The following PCCA variants were observed in gnomAD, a reference collection of about 807,000 sequenced individuals.
PCCA encodes propionyl-CoA carboxylase alpha chain, mitochondrial.
In PCCA, 74 loss-of-function variants were observed where a neutral mutation model predicts 101.3. That is an observed-to-expected ratio of 0.73 (90% confidence interval 0.61 to 0.89). The LOEUF (loss-of-function observed/expected upper bound fraction) is 0.89, where lower values mean the gene tolerates loss of function less well. Among genes scored for constraint, PCCA ranks in the 40% least tolerant of loss-of-function variants. The pLI is 0.00. For missense variants in PCCA, 891 were observed against 907.0 expected, an observed-to-expected ratio of 0.98 and a Z score of 0.23; for synonymous variants, 294 against 313.6, an observed-to-expected ratio of 0.94 and a Z score of 0.66.
At chr13:100,400,989 A>C (rs1251653384) in intron 19 of PCCA, among the ~76,000 whole-genome samples, 1 of 152,104 alleles carries the variant, frequency 6.6e-6, no homozygotes, top group Admixed American at 6.6e-5. Flanking sequence ...CTTTCCAAAA[A>C]GAAAGTGCTT....
At chr13:100,458,319 AC>A in intron 21 of PCCA, among the ~76,000 whole-genome samples, 1 of 120,314 alleles carries the variant, frequency 8.3e-6, no homozygotes, top group African/African-American at 3.0e-5. Context: ...ACACACACAC[AC>A]ACACACACAC....
rs115403134 is a variant in PCCA at position 100,462,268 on chromosome 13, T to C, written c.1899+12963T>C. Among the ~76,000 whole-genome samples the C allele has an allele frequency of 5.3e-3, 806 of 152,350 alleles. 5 individuals carry two copies. Among genetic ancestry groups the C allele is most frequent in the African/African-American group, 0.018 (753 of 41,576 alleles). On this transcript the variant is annotated intron_variant, in intron 21 of 23. Transcript: ENST00000376285. ...GAACTTTTGGAATATAACTACGTTT[T>C]TATTCTTTTGAAATTGGCATGCTCT...
chr13:100,442,359 A>G (rs1043892121), intron 20 of PCCA, among the ~76,000 whole-genome samples: 3 of 152,232 alleles, frequency 2.0e-5, no homozygotes, highest in Non-Finnish European at 2.9e-5. Flanking sequence ...GACAGTCATT[A>G]TATATGTAAT....
At chr13:100,476,897 A>G (rs2083456751) in intron 21 of PCCA, among the ~76,000 whole-genome samples, 2 of 152,162 alleles carry the variant, frequency 1.3e-5, no homozygotes, top group African/African-American at 4.8e-5. Flanking sequence ...GAATGAATGA[A>G]AACTTTAGAC....
rs575206350 is a variant in PCCA at position 100,220,253 on chromosome 13, CT to C, written c.600+10798del. Among the ~76,000 whole-genome samples the C allele has an allele frequency of 1.7e-3, 253 of 151,696 alleles. 1 individual carries two copies. The highest frequency in any genetic ancestry group is 5.9e-3 in the African/African-American group (243 of 41,374). ...AGACCGTGTCCAATATTTACAGTTT[CT>C]TTTTTTTGTTTTTGTTTTTTTTGAG... On this transcript the variant is annotated intron_variant, in intron 7 of 23. Coordinates refer to ENST00000376285, the MANE Select transcript of PCCA (RefSeq NM_000282.4).
intron 1 of PCCA, among the ~76,000 whole-genome samples, chr13:100,091,948 G>T (rs911457256): frequency 2.0e-5 from 3 of 151,794 alleles, no homozygotes. Context: ...TTGAGATGGG[G>T]TCTCGCTCTG....
At chr13:100,525,261 A>C (rs1355292481) in intron 22 of PCCA, among the ~76,000 whole-genome samples, 3 of 152,182 alleles carry the variant, frequency 2.0e-5, no homozygotes, top group Non-Finnish European at 4.4e-5. Flanking sequence ...ACAATCAGAC[A>C]GAAGGACTAT....
chr13:100,387,721 C>G (rs572205544), intron 19 of PCCA, among the ~76,000 whole-genome samples: 1 of 152,146 alleles, frequency 6.6e-6, no homozygotes, highest in Admixed American at 6.6e-5. Flanking sequence ...CAGTGGGTAT[C>G]GCACTCTACT....
chr13:100,227,302 CTTGG>C (rs1172888746), intron 7 of PCCA, among the ~76,000 whole-genome samples: 1 of 152,164 alleles, frequency 6.6e-6, no homozygotes, highest in Non-Finnish European at 1.5e-5. Flanking sequence ...AACTGCAAGG[CTTGG>C]TTACCCCACA....
intron 12 of PCCA, among the ~76,000 whole-genome samples, chr13:100,283,046 T>G (rs1447591701): frequency 6.6e-6 from 1 of 151,968 alleles, no homozygotes. Flanking sequence ...CCTCTCTGAT[T>G]TAAAGCAGAT....
chr13:100,417,963 T>A (rs527768366), intron 19 of PCCA, among the ~76,000 whole-genome samples: 3 of 152,178 alleles, frequency 2.0e-5, no homozygotes, highest in Admixed American at 6.5e-5. Context: ...TACCTCATCT[T>A]CCTCTTGGCA....
At chr13:100,528,085 T>C (rs1405844595) in intron 23 of PCCA, among the ~76,000 whole-genome samples, 1 of 152,226 alleles carries the variant, frequency 6.6e-6, no homozygotes, top group African/African-American at 2.4e-5. Context: ...GAGACTTAGG[T>C]GACACAGCAG....
chr13:100,354,525 A>T (rs1463475972), intron 18 of PCCA, among the ~76,000 whole-genome samples: 1 of 152,142 alleles, frequency 6.6e-6, no homozygotes, highest in African/African-American at 2.4e-5. Flanking sequence ...AATAAATGAA[A>T]TAGATACTAG....
chr13:100,466,834 G>A (rs1188340866), intron 21 of PCCA, among the ~76,000 whole-genome samples: 1 of 151,992 alleles, frequency 6.6e-6, no homozygotes, highest in Non-Finnish European at 1.5e-5. Context: ...CTCCAGCCTG[G>A]GCGATAGAGG....
chr13:100,416,374 G>A (rs2078363080), intron 19 of PCCA, among the ~76,000 whole-genome samples: 1 of 151,928 alleles, frequency 6.6e-6, no homozygotes, highest in Admixed American at 6.6e-5. Context: ...TAGAGAGAAA[G>A]TTTCACCATG....
chr13:100,264,003 T>TTGTATATATA (rs2062730118), intron 10 of PCCA, among the ~76,000 whole-genome samples: 1 of 150,646 alleles, frequency 6.6e-6, no homozygotes, highest in African/African-American at 2.4e-5. Flanking sequence ...TATCTGTATA[T>TTGTATATATA]CGTATATATA....
intron 4 of PCCA, among the ~76,000 whole-genome samples, chr13:100,120,990 G>A (rs1162738766): frequency 6.6e-6 from 1 of 151,946 alleles, no homozygotes; most frequent in Non-Finnish European, 1.5e-5. Context: ...GCAATGTTTT[G>A]TAGTTTCATA....
At chr13:100,171,079 C>T (rs1594515098) in intron 6 of PCCA, among the ~76,000 whole-genome samples, 1 of 152,182 alleles carries the variant, frequency 6.6e-6, no homozygotes, top group Non-Finnish European at 1.5e-5. Context: ...TATGTTATCA[C>T]AGCAGATTGA....
At chr13:100,284,957 G>A (rs561083814) in intron 12 of PCCA, among the ~76,000 whole-genome samples, 8 of 152,164 alleles carry the variant, frequency 5.3e-5, no homozygotes, top group East Asian at 1.9e-4. Flanking sequence ...CAGAAGCCTC[G>A]TGCCAGCAGG....
Sources: allele counts gnomAD v4.1 joint callset (sites outside exome capture counted in the v4.1 genomes callset), GRCh38; gene constraint gnomAD v4.1.1; transcripts MANE v1.5; gene names NCBI Gene and HGNC (gene_info 2026-07-23, HGNC 2026-07-21).